The following PCDHA6 variants were observed in gnomAD, a reference collection of about 807,000 sequenced individuals.
The protein encoded by PCDHA6 is protocadherin alpha-6.
PCDHA6 carries 55 observed loss-of-function variants against 60.3 expected under a neutral mutation model. The observed-to-expected ratio is 0.91, with a 90% CI of 0.73 to 1.14. The LOEUF is 1.14. PCDHA6 is among the 50% of genes most tolerant of loss of function. The pLI is 0.00. For synonymous variants in PCDHA6, 652 were observed against 557.9 expected, an observed-to-expected ratio of 1.17 and a Z score of -2.38; for missense variants, 1,327 against 1,256.5, an observed-to-expected ratio of 1.06 and a Z score of -0.85.
At chr5:140,865,982 C>T (rs2049081742) in intron 1 of PCDHA6, 1 of 152,078 alleles carries the variant, frequency 6.6e-6, no homozygotes, top group South Asian at 2.1e-4. Flanking sequence ...ATTGAGATGG[C>T]ACTAAGTTTT....
At chr5:140,879,103 GGT>G (rs2057856027) in intron 1 of PCDHA6, among the ~76,000 whole-genome samples, 1 of 152,156 alleles carries the variant, frequency 6.6e-6, no homozygotes, top group Admixed American at 6.6e-5. Flanking sequence ...CACAGTATAT[GGT>G]GTAATTGAAG....
intron 1 of PCDHA6, chr5:140,850,650 A>C (rs2150492229): frequency 6.3e-7 from 1 of 1,598,426 alleles, no homozygotes; most frequent in East Asian, 2.2e-5. Flanking sequence ...GCTGCTGTAC[A>C]CTGTGCTGCG....
At chr5:140,921,366 A>C (rs1415562044) in intron 1 of PCDHA6, among the ~76,000 whole-genome samples, 1 of 152,140 alleles carries the variant, frequency 6.6e-6, no homozygotes, top group African/African-American at 2.4e-5. Flanking sequence ...TTCAAGTTTC[A>C]TATTTCTACA....
Position 140,875,458 on chromosome 5 carries a change from C to T in PCDHA6, c.2394+44973C>T, listed in dbSNP as rs149655466. ...AAAACTGATTGTCCCAACTCAGAGG[C>T]CCTCATTTTCTGCAATGGTGATTAT... On this transcript the variant is annotated intron_variant, in intron 1 of 3. Transcript: ENST00000529310. The T allele has an allele frequency of 1.1e-3, 1,729 of 1,596,942 alleles. 10 individuals are homozygous for T. In the African/African-American group the frequency reaches 0.015, roughly 14 times the overall value.
chr5:140,971,958 CT>C (rs1176007834), intron 1 of PCDHA6, among the ~76,000 whole-genome samples: 2 of 152,172 alleles, frequency 1.3e-5, no homozygotes, highest in African/African-American at 2.4e-5. Context: ...ACTCCAAAAA[CT>C]TTTTTTCAAT....
At chr5:140,900,192 A>G (rs1280412667) in intron 1 of PCDHA6, among the ~76,000 whole-genome samples, 2 of 152,186 alleles carry the variant, frequency 1.3e-5, no homozygotes, top group African/African-American at 2.4e-5. Flanking sequence ...ACTTATAATG[A>G]CATCCAGTTT....
In PCDHA6 at chr5:141,010,299, T is replaced by G; in HGVS notation, c.*362T>G. ...TCTTGATGACACTTGCAGGGCAGGCTGAAAAGTTTTGAGATTGAGCAGCTT... is the reference window on the plus strand; with the variant it reads ...TCTTGATGACACTTGCAGGGCAGGCGGAAAAGTTTTGAGATTGAGCAGCTT... On this transcript the variant is annotated 3_prime_UTR_variant, in exon 4 of 4. Transcript: ENST00000529310. 6.5e-7 allele frequency: 1 copy of G among 1,549,016 alleles called. No homozygotes were observed. The highest frequency in any genetic ancestry group is 2.4e-5 in the East Asian group (1 of 40,892).
intron 1 of PCDHA6, chr5:140,843,825 C>T: frequency 8.4e-7 from 1 of 1,188,044 alleles, no homozygotes; most frequent in Non-Finnish European, 1.2e-6. Flanking sequence ...AAAATTTAAA[C>T]ATTGTTTAGT....
intron 1 of PCDHA6, chr5:140,966,927 C>T (rs1434590204): frequency 1.2e-6 from 2 of 1,603,398 alleles, no homozygotes; most frequent in Admixed American, 1.7e-5. Flanking sequence ...GAGCAGGCAC[C>T]CGGCGCGCTC....
intron 1 of PCDHA6, chr5:140,841,240 A>C: frequency 6.7e-7 from 1 of 1,487,570 alleles, no homozygotes; most frequent in South Asian, 1.4e-5. Flanking sequence ...GATGCAGCGG[A>C]ATTGGATTAA....
intron 1 of PCDHA6, among the ~76,000 whole-genome samples, chr5:140,931,584 AAC>A (rs1355868674): frequency 1.3e-5 from 2 of 152,054 alleles, no homozygotes; most frequent in Admixed American, 1.3e-4. Flanking sequence ...CATTCAGTTG[AAC>A]AGTCTTTTTC....
At chr5:140,850,549 G>A in intron 1 of PCDHA6, 2 of 1,598,360 alleles carry the variant, frequency 1.3e-6, no homozygotes, top group Non-Finnish European at 1.7e-6. Flanking sequence ...GCGTCAGTGG[G>A]TGCCACGGGC....
At chr5:140,883,144 A>C (rs782107481) in intron 1 of PCDHA6, 4 of 1,614,086 alleles carry the variant, frequency 2.5e-6, no homozygotes, top group Non-Finnish European at 3.4e-6. Context: ...TGGTATATGC[A>C]TTTACCATAA....
chr5:140,857,319 T>A, intron 1 of PCDHA6: 3 of 1,598,650 alleles, frequency 1.9e-6, no homozygotes, highest in Non-Finnish European at 2.6e-6. Flanking sequence ...GAGCTGGTGG[T>A]GACCGCGCGG....
Position 140,829,163 on chromosome 5 carries a change from C to G in PCDHA6, c.1072C>G (p.Pro358Ala). Residue 358 changes from proline (P) to alanine (A), a missense_variant, in exon 1 of 4, where the codon CCT becomes GCT. By Grantham distance (27) the Pro-to-Ala change is conservative. Transcript: ENST00000529310. ...GATAGCACTGACTTCCTTATCCTTGCCTGTACGTGAAGACGCTCAATTTGG... is the reference window on the plus strand; with the variant it reads ...GATAGCACTGACTTCCTTATCCTTGGCTGTACGTGAAGACGCTCAATTTGG... ...PEIALTSLSL[P>A]VREDAQFGTV... The G allele has an allele frequency of 1.5e-5, 24 of 1,614,024 alleles. No individual in the cohort carries two copies. Among genetic ancestry groups the G allele is most frequent in the Non-Finnish European group, 2.0e-5 (24 of 1,179,874 alleles).
intron 3 of PCDHA6, among the ~76,000 whole-genome samples, chr5:141,004,051 A>G (rs2098149842): frequency 6.6e-6 from 1 of 152,240 alleles, no homozygotes; most frequent in East Asian, 1.9e-4. Flanking sequence ...ATTTGCTGAT[A>G]CTGGCCCCTG....
intron 1 of PCDHA6, chr5:140,842,864 G>C (rs1554139478): frequency 1.3e-6 from 2 of 1,593,918 alleles, no homozygotes; most frequent in Non-Finnish European, 1.7e-6. Context: ...CACGGAGAGC[G>C]GCAAGGTGTA....
In PCDHA6 at chr5:140,870,942, G is replaced by A. The variant is rs782286042; in HGVS notation, c.2394+40457G>A. ...GGCTTTCATATGAATTGCAGCCGGC[G>A]GCGGGCGGCTCGCGCATCCCGTTCC... On this transcript the variant is annotated intron_variant, in intron 1 of 3. Transcript: ENST00000529310. The A allele has an allele frequency of 5.0e-6, 8 of 1,613,740 alleles. No individual in the cohort carries two copies. The Admixed American group carries it at 6.7e-5, about 13-fold the overall frequency.
Position 141,010,319 on chromosome 5 carries a change from C to G in PCDHA6, c.*382C>G. The G allele has an allele frequency of 6.5e-7, 1 of 1,545,436 alleles. No individual in the cohort carries two copies. Among genetic ancestry groups the G allele is most frequent in the South Asian group, 1.2e-5 (1 of 83,248 alleles). On this transcript the variant is annotated 3_prime_UTR_variant, in exon 4 of 4. Coordinates refer to ENST00000529310, the MANE Select transcript of PCDHA6 (RefSeq NM_018909.4). ...CAGGCTGAAAAGTTTTGAGATTGAG[C>G]AGCTTGGGAGTTTGTGGCCACTGGG...
Sources: gnomAD v4.1 joint callset for allele counts (sites outside exome capture counted in the v4.1 genomes callset) on GRCh38, gnomAD v4.1.1 for gene constraint, MANE v1.5 for transcripts, NCBI Gene and HGNC (gene_info 2026-07-23, HGNC 2026-07-21) for gene names.